ALKBH8: variants seen among roughly 807,000 people sequenced by gnomAD.
The protein encoded by ALKBH8 is tRNA (carboxymethyluridine(34)-5-O)-methyltransferase ALKBH8.
ALKBH8 carries 36 observed loss-of-function variants against 59.8 expected under a neutral mutation model. That is an observed-to-expected ratio of 0.60 (90% CI 0.46 to 0.79). The LOEUF (loss-of-function observed/expected upper bound fraction) is 0.79, where lower values mean the gene tolerates loss of function less well. ALKBH8 is among the 30% of genes least tolerant of loss of function. The pLI is 0.00. For synonymous variants in ALKBH8, 276 were observed against 273.6 expected, an observed-to-expected ratio of 1.01 and a Z score of -0.09; for missense variants, 768 against 801.0, an observed-to-expected ratio of 0.96 and a Z score of 0.50.
At chr11:107,512,923 G>A (rs535849806) in intron 10 of ALKBH8, among the ~76,000 whole-genome samples, 2 of 152,120 alleles carry the variant, frequency 1.3e-5, no homozygotes, top group African/African-American at 2.4e-5. Context: ...CTGATTAAAT[G>A]TAAAACCTAA....
intron 2 of ALKBH8, among the ~76,000 whole-genome samples, chr11:107,557,905 A>C (rs772464335): frequency 6.6e-6 from 1 of 152,226 alleles, no homozygotes; most frequent in African/African-American, 2.4e-5. Context: ...ACTTCTAAAA[A>C]CATTTCAATA....
intron 1 of ALKBH8, chr11:107,563,762 C>T (rs916415197): frequency 2.0e-5 from 3 of 152,134 alleles, no homozygotes; most frequent in African/African-American, 7.2e-5. Context: ...GAGAAAGAAA[C>T]GATGCTAAAT....
At chr11:107,565,326 C>A in intron 1 of ALKBH8, 1 of 551,038 alleles carries the variant, frequency 1.8e-6, no homozygotes, top group Non-Finnish European at 3.3e-6. Context: ...CATGTTGCAA[C>A]CGTCCTCTCC....
chr11:107,511,168 A>G, intron 10 of ALKBH8, 132 bp from the exon 11 acceptor site: 1 of 906,492 alleles, frequency 1.1e-6, no homozygotes, highest in South Asian at 1.7e-5. Flanking sequence ...AGACCATGAT[A>G]CTATCGGTTC....
chr11:107,547,298 CATCA>C (rs1226817192), intron 7 of ALKBH8, among the ~76,000 whole-genome samples: 9 of 152,282 alleles, frequency 5.9e-5, no homozygotes, highest in Middle Eastern at 6.8e-3. Context: ...AATTACACAG[CATCA>C]ATCAATCAAT....
chr11:107,525,567 C>G lies in ALKBH8; in HGVS notation c.904G>C (p.Val302Leu). ...HGITCRKFDTVQASESLKSGI... is the reference protein window; with the variant it reads ...HGITCRKFDTLQASESLKSGI... ...CTTTTAAGACTCTCAGATGCTTGAACAGTATCAAATTTTCTGCACGTGATT... is the reference window on the plus strand; with the variant it reads ...CTTTTAAGACTCTCAGATGCTTGAAGAGTATCAAATTTTCTGCACGTGATT... Residue 302 changes from valine (V) to leucine (L), a missense_variant, in exon 9 of 12, where the codon GTT (valine) becomes CTT (leucine). Coordinates refer to ENST00000428149, the MANE Select transcript of ALKBH8 (RefSeq NM_138775.3). 2 of 1,482,844 alleles carry G rather than the reference C, an allele frequency of 1.3e-6. No individual in the cohort carries two copies. The highest frequency in any genetic ancestry group is 1.8e-6 in the Non-Finnish European group (2 of 1,118,906). The allele number at this position is 1,482,844 out of a possible 1,614,324, so 91.9% of individuals were successfully genotyped here. A position where few individuals can be genotyped will look rare whatever the true frequency, so the allele number is the denominator to read the frequency against.
intron 11 of ALKBH8, among the ~76,000 whole-genome samples, chr11:107,507,483 A>G (rs1862437948): frequency 6.6e-6 from 1 of 152,288 alleles, no homozygotes; most frequent in African/African-American, 2.4e-5. Flanking sequence ...AGACGAGACC[A>G]TTTTATAAAA....
rs973113708 is a variant in ALKBH8, at chr11:107,503,200, T to A, written c.*1458A>T. 1 of 152,178 alleles carries A rather than the reference T, an allele frequency of 6.6e-6. No homozygotes were observed. Among genetic ancestry groups the A allele is most frequent in the Admixed American group, 6.5e-5 (1 of 15,274 alleles). 9.4% of individuals were successfully genotyped at this position (152,178 alleles called of 1,614,324 possible). ...AGAATTTATATCAGAAATAAAACTA[T>A]TTTTAGCCCTATATTCCTTTTCCTA... On this transcript the variant is annotated 3_prime_UTR_variant, in exon 12 of 12. Coordinates refer to ENST00000428149, the MANE Select transcript of ALKBH8 (RefSeq NM_138775.3).
At chr11:107,541,535 T>G (rs986709818) in intron 7 of ALKBH8, among the ~76,000 whole-genome samples, 3 of 152,240 alleles carry the variant, frequency 2.0e-5, no homozygotes, top group Non-Finnish European at 2.9e-5. Flanking sequence ...GGGCCTATAT[T>G]AATTTCTATT....
At chr11:107,545,752 T>C (rs1864223924) in intron 7 of ALKBH8, among the ~76,000 whole-genome samples, 1 of 152,184 alleles carries the variant, frequency 6.6e-6, no homozygotes, top group African/African-American at 2.4e-5. Context: ...GAATGTTGAT[T>C]ATATAAATAC....
At chr11:107,507,961 T>C (rs1450761868) in intron 11 of ALKBH8, among the ~76,000 whole-genome samples, 1 of 152,204 alleles carries the variant, frequency 6.6e-6, no homozygotes, top group African/African-American at 2.4e-5. Context: ...TTCATCAAGG[T>C]ATTCCCATGT....
intron 8 of ALKBH8, 62 bp from the exon 9 acceptor site, chr11:107,525,654 T>G: frequency 5.6e-5 from 62 of 1,107,102 alleles, no homozygotes; most frequent in Non-Finnish European, 6.9e-5. Flanking sequence ...TTCAGGCCTT[T>G]AAAAATGTTA....
At chr11:107,532,568 C>T (rs1001272760) in intron 7 of ALKBH8, among the ~76,000 whole-genome samples, 162 bp from the exon 8 acceptor site, 4 of 152,152 alleles carry the variant, frequency 2.6e-5, no homozygotes, top group African/African-American at 9.7e-5. Flanking sequence ...CTTTACTGTA[C>T]ATGAGAATCA....
Position 107,525,526 on chromosome 11 carries a change from A to C in ALKBH8, c.945T>G (p.Ser315Arg). 2.6e-6 allele frequency: 4 copies of C among 1,536,028 alleles called. No homozygotes were observed. Among genetic ancestry groups the C allele is most frequent in the Non-Finnish European group, 3.5e-6 (4 of 1,140,838 alleles). Residue 315 changes from serine (S) to arginine (R), a missense_variant, in exon 9 of 12, where the codon AGT becomes AGG. Coordinates refer to ENST00000428149, the MANE Select transcript of ALKBH8 (RefSeq NM_138775.3). ...TGCTTAAAGTTAAGTCTCCAACATC[A>C]CTGGTGATAATTCCACTTTTAAGAC... Reference protein sequence around the residue: ...SESLKSGIITSDVGDLTLSKR... With the variant: ...SESLKSGIITRDVGDLTLSKR...
At chr11:107,528,208 A>G (rs775683979) in intron 8 of ALKBH8, among the ~76,000 whole-genome samples, 67 of 151,926 alleles carry the variant, frequency 4.4e-4, no homozygotes, top group Non-Finnish European at 8.2e-4. Context: ...TGACTTTCGA[A>G]TGTTCTGTTA....
intron 7 of ALKBH8, among the ~76,000 whole-genome samples, chr11:107,534,350 C>G (rs530828411): frequency 6.6e-6 from 1 of 152,268 alleles, no homozygotes; most frequent in South Asian, 2.1e-4. Flanking sequence ...TGAAAACTGT[C>G]ATGATGGGAA....
chr11:107,563,828 T>C (rs1477300179), intron 1 of ALKBH8: 1 of 152,236 alleles, frequency 6.6e-6, no homozygotes, highest in Non-Finnish European at 1.5e-5. Flanking sequence ...TGGAGCCTCA[T>C]AACCACATTT....
intron 7 of ALKBH8, among the ~76,000 whole-genome samples, chr11:107,540,298 A>G (rs1018328593): frequency 1.3e-5 from 2 of 152,246 alleles, no homozygotes; most frequent in African/African-American, 4.8e-5. Context: ...TTTCAAATAC[A>G]ACCCTGACTT....
chr11:107,557,831 AC>A (rs1372951812), intron 2 of ALKBH8, among the ~76,000 whole-genome samples: 7 of 152,196 alleles, frequency 4.6e-5, no homozygotes, highest in Non-Finnish European at 7.4e-5. Flanking sequence ...ATGGTCTAGC[AC>A]CCATATAGTC....
Sources: allele counts gnomAD v4.1 joint callset (sites outside exome capture counted in the v4.1 genomes callset), GRCh38; gene constraint gnomAD v4.1.1; transcripts MANE v1.5; gene names NCBI Gene and HGNC (gene_info 2026-07-23, HGNC 2026-07-21).